DHRS7B: variants seen among roughly 807,000 people sequenced by gnomAD.
The protein encoded by DHRS7B is peroxisomal reductase activating PPAR-gamma.
A neutral mutation model predicts 26.4 loss-of-function variants in DHRS7B; 24 were observed. The observed-to-expected ratio is 0.91, with a 90% CI of 0.66 to 1.28. The LOEUF is 1.28. Among genes scored for constraint, DHRS7B ranks in the 50% most tolerant of loss-of-function variants. The pLI is 0.00. For synonymous variants in DHRS7B, 142 were observed against 166.4 expected (o/e 0.85, Z 1.13); for missense variants, 368 against 419.4 (o/e 0.88, Z 1.07).
At chr17:21,139,946 G>C (rs1973452888) in intron 1 of DHRS7B, among the ~76,000 whole-genome samples, 1 of 150,888 alleles carries the variant, frequency 6.6e-6, no homozygotes, top group Admixed American at 6.6e-5. Flanking sequence ...CACATACACA[G>C]ACATATAGGC....
chr17:21,175,750 C>A (rs1974361651), intron 2 of DHRS7B, among the ~76,000 whole-genome samples: 1 of 151,988 alleles, frequency 6.6e-6, no homozygotes, highest in Non-Finnish European at 1.5e-5. Flanking sequence ...GCAGCCTGGG[C>A]AACATGGCGA....
At chr17:21,149,857 A>G (rs573481318) in intron 1 of DHRS7B, among the ~76,000 whole-genome samples, 1 of 152,334 alleles carries the variant, frequency 6.6e-6, no homozygotes, top group Non-Finnish European at 1.5e-5. Flanking sequence ...AGAAAGGAAG[A>G]GAGGAGTTGC....
chr17:21,136,803 G>A (rs925716031), intron 1 of DHRS7B, among the ~76,000 whole-genome samples: 3 of 151,912 alleles, frequency 2.0e-5, no homozygotes, highest in Admixed American at 6.6e-5. Context: ...TGATCTGCCC[G>A]TTTCAGCCTC....
At chr17:21,132,993 C>T (rs561485921) in intron 1 of DHRS7B, among the ~76,000 whole-genome samples, 1 of 152,152 alleles carries the variant, frequency 6.6e-6, no homozygotes, top group East Asian at 1.9e-4. Context: ...CCACCATTTG[C>T]TAGCCATGTG....
At chr17:21,139,007 C>T (rs1258116204) in intron 1 of DHRS7B, among the ~76,000 whole-genome samples, 4 of 152,116 alleles carry the variant, frequency 2.6e-5, no homozygotes, top group Non-Finnish European at 5.9e-5. Flanking sequence ...AAAATTGTAA[C>T]AGTGAAAAAT....
chr17:21,138,066 T>TTAAAAAAA (rs71357468), intron 1 of DHRS7B, among the ~76,000 whole-genome samples: 531 of 34,990 alleles, frequency 0.015, 8 homozygotes, highest in Middle Eastern at 0.06. Context: ...CGGCCTCTTT[T>TTAAAAAAA]AAAAAAAAAA....
At chr17:21,139,618 G>A (rs561147568) in intron 1 of DHRS7B, among the ~76,000 whole-genome samples, 30 of 151,864 alleles carry the variant, frequency 2.0e-4, no homozygotes, top group Non-Finnish European at 3.4e-4. Flanking sequence ...AAGTTGCAGT[G>A]AGCCAAGATC....
chr17:21,131,829 GT>G (rs1224550870), intron 1 of DHRS7B, among the ~76,000 whole-genome samples: 3 of 152,164 alleles, frequency 2.0e-5, no homozygotes, highest in African/African-American at 7.2e-5. Flanking sequence ...AATTTTTCCA[GT>G]TTATATGAGC....
In DHRS7B at chr17:21,138,076, ATATAT is replaced by A. The variant is rs1229209874; in HGVS notation, c.20+11086_20+11090del. On this transcript the variant is annotated intron_variant, in intron 1 of 6. Coordinates refer to ENST00000395511, the MANE Select transcript of DHRS7B (RefSeq NM_015510.5). ...GTGCCCGGCCTCTTTTAAAAAAAAA[ATATAT>A]ATATATATATATATATATATACACA... 7.0e-5 allele frequency among the ~76,000 whole-genome samples: 6 copies of A among 85,550 alleles called. 1 individual carries two copies. Among genetic ancestry groups the A allele is most frequent in the East Asian group, 3.0e-4 (1 of 3,340 alleles). The allele number at this position is 85,550 out of a possible 152,430, so 56.1% of individuals were successfully genotyped here.
chr17:21,139,156 G>T (rs1393814492), intron 1 of DHRS7B, among the ~76,000 whole-genome samples: 2 of 152,174 alleles, frequency 1.3e-5, no homozygotes, highest in African/African-American at 4.8e-5. Context: ...TTTCCCAAAA[G>T]AAACCTCCTT....
chr17:21,191,084 G>C lies in DHRS7B; in HGVS notation c.909G>C (p.Leu303=). Residue 303 remains leucine, a synonymous_variant, in exon 7 of 7, where the codon CTG becomes CTC. Coordinates refer to ENST00000395511, the MANE Select transcript of DHRS7B (RefSeq NM_015510.5). ...CCTTGGCTGTTTATCTTCGAACTCT[G>C]GCTCCTGGGCTCTTCTTCAGCCTCA... ...LPSLAVYLRT[L]APGLFFSLMA... 1 of 1,614,168 alleles carries C rather than the reference G, an allele frequency of 6.2e-7. No individual in the cohort carries two copies. Among genetic ancestry groups the C allele is most frequent in the Non-Finnish European group, 8.5e-7 (1 of 1,180,050 alleles).
At chr17:21,146,105 T>C (rs989174808) in intron 1 of DHRS7B, among the ~76,000 whole-genome samples, 1 of 152,192 alleles carries the variant, frequency 6.6e-6, no homozygotes. Context: ...ATAAAAGGCC[T>C]CCTAACCTAC....
intron 1 of DHRS7B, among the ~76,000 whole-genome samples, chr17:21,153,522 C>G (rs1567620769): frequency 6.6e-6 from 1 of 152,110 alleles, no homozygotes; most frequent in Non-Finnish European, 1.5e-5. Context: ...TCTCAGACAC[C>G]AAATCGCAGA....
intron 1 of DHRS7B, among the ~76,000 whole-genome samples, chr17:21,130,391 AAAAT>A (rs199729898): frequency 1.5e-4 from 23 of 152,162 alleles, no homozygotes; most frequent in South Asian, 2.1e-4. Flanking sequence ...TCCACCTCAA[AAAAT>A]AAATAAATAA....
chr17:21,139,860 T>C (rs1597732827), intron 1 of DHRS7B, among the ~76,000 whole-genome samples: 1 of 151,506 alleles, frequency 6.6e-6, no homozygotes, highest in East Asian at 1.9e-4. Context: ...TAGTATCTGA[T>C]TTAAGTGCTT....
intron 5 of DHRS7B, among the ~76,000 whole-genome samples, chr17:21,185,144 T>C (rs1285330697): frequency 6.6e-6 from 1 of 152,200 alleles, no homozygotes; most frequent in Non-Finnish European, 1.5e-5. Flanking sequence ...GGCACTCAAA[T>C]GGGAAGGTTT....
chr17:21,168,370 G>T (rs1027105672), intron 1 of DHRS7B, among the ~76,000 whole-genome samples: 2 of 152,100 alleles, frequency 1.3e-5, no homozygotes, highest in Non-Finnish European at 2.9e-5. Flanking sequence ...ACTGGATTTT[G>T]TTTTTTGTTT....
chr17:21,145,505 A>G (rs1383222740), intron 1 of DHRS7B, among the ~76,000 whole-genome samples: 1 of 152,200 alleles, frequency 6.6e-6, no homozygotes, highest in African/African-American at 2.4e-5. Context: ...AAGCATCTCA[A>G]TTAATGAAAA....
intron 1 of DHRS7B, among the ~76,000 whole-genome samples, chr17:21,142,436 T>C (rs1973538159): frequency 6.6e-6 from 1 of 152,196 alleles, no homozygotes; most frequent in Non-Finnish European, 1.5e-5. Flanking sequence ...GTTTCGCTTC[T>C]CTTTCCTTTT....
Sources: allele counts gnomAD v4.1 joint callset (sites outside exome capture counted in the v4.1 genomes callset), GRCh38; gene constraint gnomAD v4.1.1; transcripts MANE v1.5; gene names NCBI Gene and HGNC (gene_info 2026-07-23, HGNC 2026-07-21).